The following SUCO variants were observed in gnomAD, a reference collection of about 807,000 sequenced individuals.
SUCO encodes the protein SUN domain-containing ossification factor.
A neutral mutation model predicts 148.1 loss-of-function variants in SUCO; 57 were observed. The ratio of observed to expected loss-of-function variants is 0.38; its 90% CI spans 0.31 to 0.48. The LOEUF (loss-of-function observed/expected upper bound fraction) is 0.48. Ranked by LOEUF, SUCO falls within the 20% of genes least tolerant of loss-of-function variation. The pLI is 0.96. For missense variants in SUCO, 1,331 were observed against 1,468.2 expected, an observed-to-expected ratio of 0.91 and a Z score of 1.53; for synonymous variants, 470 against 502.7, an observed-to-expected ratio of 0.93 and a Z score of 0.87.
In SUCO at chr1:172,557,537, G is replaced by A. The variant is rs1424136518; in HGVS notation, c.582-107G>A. 17 of 1,488,608 alleles carry A rather than the reference G, an allele frequency of 1.1e-5. No individual in the cohort carries two copies. In the East Asian group the frequency reaches 3.9e-4, roughly 34 times the overall value. 92.2% of individuals were successfully genotyped at this position (1,488,608 alleles called of 1,614,324 possible). On this transcript the variant is annotated intron_variant, in intron 5 of 23. Coordinates refer to ENST00000263688, the MANE Select transcript of SUCO (RefSeq NM_014283.5). ...ATTGAGAGAAAGCTGATCTCTTTGT[G>A]TTTCTTCCTTGGTTTACTTTGTGCA...
At chr1:172,538,223 G>A (rs1474667967) in intron 1 of SUCO, among the ~76,000 whole-genome samples, 1 of 150,414 alleles carries the variant, frequency 6.6e-6, no homozygotes, top group Non-Finnish European at 1.5e-5. Context: ...CCTAAGTCGT[G>A]GTCCCACTAG....
intron 1 of SUCO, among the ~76,000 whole-genome samples, chr1:172,538,173 TA>T (rs963197276): frequency 6.6e-6 from 1 of 151,864 alleles, no homozygotes. Flanking sequence ...CTGTGGAGGG[TA>T]AAGTGGAATG....
intron 17 of SUCO, among the ~76,000 whole-genome samples, chr1:172,587,885 CT>C (rs1410572771): frequency 2.6e-5 from 4 of 151,974 alleles, no homozygotes; most frequent in Admixed American, 6.6e-5. Flanking sequence ...CTATCTTTAT[CT>C]TGGAAGGAAT....
intron 22 of SUCO, chr1:172,608,129 A>G (rs1657977401): frequency 2.1e-6 from 2 of 972,048 alleles, no homozygotes; most frequent in South Asian, 9.5e-5. Flanking sequence ...AATAAATCTA[A>G]TTTACTCACT....
chr1:172,610,987 T>C lies in SUCO; in HGVS notation c.*728T>C, dbSNP rs1658178171. The C allele has an allele frequency of 6.6e-6, 1 of 152,586 alleles. No individual in the cohort carries two copies. The highest frequency in any genetic ancestry group is 2.1e-4 in the South Asian group (1 of 4,836). The allele number at this position is 152,586 out of a possible 1,614,324, so 9.5% of individuals were successfully genotyped here. ...TCTTTTTTTGCAAACAACTGATATA[T>C]GCAGACAAATTTTTGACAAATTCAC... On this transcript the variant is annotated 3_prime_UTR_variant, in exon 24 of 24. Coordinates refer to ENST00000263688, the MANE Select transcript of SUCO (RefSeq NM_014283.5).
intron 22 of SUCO, 82 bp downstream of exon 22, chr1:172,602,869 A>G (rs751845514): frequency 1.4e-5 from 17 of 1,223,980 alleles, no homozygotes; most frequent in Non-Finnish European, 2.0e-5. Context: ...TGTTGTGTTC[A>G]TGACCATCTG....
intron 10 of SUCO, 31 bp from the exon 11 acceptor site, chr1:172,575,487 T>A: frequency 1.3e-6 from 2 of 1,489,576 alleles, no homozygotes; most frequent in Non-Finnish European, 1.8e-6. Flanking sequence ...TTATAATTTT[T>A]AAAAAAGAAC....
At chr1:172,561,602 A>G (rs1654158531) in intron 6 of SUCO, among the ~76,000 whole-genome samples, 1 of 152,306 alleles carries the variant, frequency 6.6e-6, no homozygotes, top group Non-Finnish European at 1.5e-5. Flanking sequence ...TCTACACCCA[A>G]TAAGGACAAG....
At chr1:172,557,204 C>A in intron 4 of SUCO, 76 bp from the exon 5 acceptor site, 1 of 1,503,388 alleles carries the variant, frequency 6.7e-7, no homozygotes, top group Non-Finnish European at 8.9e-7. Flanking sequence ...TTTTGGAAAT[C>A]ACTAATAGTG....
At chr1:172,560,135 A>G (rs76670500) in intron 6 of SUCO, among the ~76,000 whole-genome samples, 2 of 152,200 alleles carry the variant, frequency 1.3e-5, no homozygotes, top group Non-Finnish European at 2.9e-5. Context: ...TGCTAACGTT[A>G]TCTTTACCTG....
At chr1:172,561,073 G>A (rs1156419779) in intron 6 of SUCO, among the ~76,000 whole-genome samples, 1 of 152,262 alleles carries the variant, frequency 6.6e-6, no homozygotes, top group Non-Finnish European at 1.5e-5. Context: ...AAGCCACCAT[G>A]TATGGTCTCC....
intron 22 of SUCO, chr1:172,607,945 G>T (rs1657966997): frequency 4.1e-6 from 1 of 244,232 alleles, no homozygotes; most frequent in Non-Finnish European, 6.5e-6. Flanking sequence ...TTTACTATGT[G>T]TAAGCTTTTG....
intron 22 of SUCO, among the ~76,000 whole-genome samples, chr1:172,604,244 CCAAA>C (rs763613322): frequency 5.9e-5 from 9 of 151,748 alleles, no homozygotes; most frequent in East Asian, 1.9e-4. Flanking sequence ...TTTTTTAGGG[CCAAA>C]CAGAGTAGCT....
intron 15 of SUCO, among the ~76,000 whole-genome samples, chr1:172,580,642 A>G (rs1655811631): frequency 6.6e-6 from 1 of 152,176 alleles, no homozygotes; most frequent in African/African-American, 2.4e-5. Flanking sequence ...GGGGTCAGAA[A>G]ATAGCCCCAG....
intron 14 of SUCO, 89 bp from the exon 15 acceptor site, chr1:172,579,113 G>A: frequency 1.4e-6 from 1 of 705,148 alleles, no homozygotes; most frequent in East Asian, 2.7e-5. Context: ...AATGTCAGCT[G>A]ACTTTGACAG....
intron 9 of SUCO, among the ~76,000 whole-genome samples, chr1:172,571,289 A>G (rs1654954934): frequency 6.6e-6 from 1 of 152,162 alleles, no homozygotes; most frequent in Non-Finnish European, 1.5e-5. Flanking sequence ...TCCAGCTCCT[A>G]ACTGCGAGTG....
At chr1:172,571,516 G>A (rs925814189) in intron 9 of SUCO, among the ~76,000 whole-genome samples, 9 of 150,978 alleles carry the variant, frequency 6.0e-5, no homozygotes, top group Non-Finnish European at 1.2e-4. Context: ...CTGCCTGGCC[G>A]CCCATCGTCT....
At chr1:172,577,417 C>T in intron 11 of SUCO, 122 bp from the exon 12 acceptor site, 1 of 889,366 alleles carries the variant, frequency 1.1e-6, no homozygotes, top group Non-Finnish European at 1.7e-6. Flanking sequence ...CAGTGTTATC[C>T]ATCACATGAC....
chr1:172,579,358 T>C (rs1236463959), intron 15 of SUCO, 91 bp downstream of exon 15: 7 of 754,214 alleles, frequency 9.3e-6, no homozygotes, highest in Middle Eastern at 5.1e-4. Flanking sequence ...AGGAGAATTC[T>C]CCCAGTGTTG....
Sources: allele counts gnomAD v4.1 joint callset (sites outside exome capture counted in the v4.1 genomes callset), GRCh38; gene constraint gnomAD v4.1.1; transcripts MANE v1.5; gene names NCBI Gene and HGNC (gene_info 2026-07-23, HGNC 2026-07-21).